Variants in ZNF385D observed in about 807,000 individuals in gnomAD.
ZNF385D encodes the protein zinc finger protein 385D, also known as zinc finger protein 659.
Under a neutral mutation model 35.8 loss-of-function variants are expected in ZNF385D, and 15 were observed. The ratio of observed to expected loss-of-function variants is 0.42; its 90% confidence interval spans 0.28 to 0.64. The LOEUF (loss-of-function observed/expected upper bound fraction) is 0.64, where lower values mean the gene tolerates loss of function less well. Ranked by LOEUF, ZNF385D falls within the 30% of genes least tolerant of loss-of-function variation. ZNF385D has a pLI of 0.23. For missense variants in ZNF385D, 474 were observed against 494.6 expected, an observed-to-expected ratio of 0.96 and a Z score of 0.39; for synonymous variants, 212 against 186.8, an observed-to-expected ratio of 1.13 and a Z score of -1.10.
At chr3:21,902,346 C>A (rs1575873064) in intron 3 of ZNF385D, among the ~76,000 whole-genome samples, 2 of 152,016 alleles carry the variant, frequency 1.3e-5, no homozygotes, top group Admixed American at 1.3e-4. Context: ...TGGGAAATGT[C>A]ATAGGGCTTC....
At chr3:22,309,161 T>C (rs1472251769) in intron 2 of ZNF385D, among the ~76,000 whole-genome samples, 1 of 152,084 alleles carries the variant, frequency 6.6e-6, no homozygotes, top group Non-Finnish European at 1.5e-5. Context: ...ATCTCCAGGC[T>C]ATTCACCATT....
intron 3 of ZNF385D, among the ~76,000 whole-genome samples, chr3:22,166,073 C>G (rs900574534): frequency 2.4e-5 from 3 of 127,588 alleles, no homozygotes; most frequent in Admixed American, 2.3e-4. Context: ...CCATTCTTGA[C>G]TTTTCTCATC....
rs749111803 is a variant in ZNF385D at position 21,962,939 on chromosome 3, T to C, written c.325+205878A>G. ...ACCATGTAATAACACATTTTCCAAA[T>C]ATTTAAACACCAAACACTTTCTCCA... On this transcript the variant is annotated intron_variant, in intron 3 of 5. Coordinates refer to the ZNF385D transcript ENST00000494108. Among the ~76,000 whole-genome samples, 17 of 152,362 alleles carry C rather than the reference T, an allele frequency of 1.1e-4. 1 individual carries two copies. In the East Asian group the frequency reaches 2.9e-3, roughly 26 times the overall value.
At chr3:21,890,767 A>T (rs1417290492) in intron 3 of ZNF385D, among the ~76,000 whole-genome samples, 1 of 152,184 alleles carries the variant, frequency 6.6e-6, no homozygotes, top group Non-Finnish European at 1.5e-5. Flanking sequence ...CAGCAGAAGA[A>T]TTGCTGATGG....
At chr3:22,300,093 C>T (rs770719583) in intron 2 of ZNF385D, among the ~76,000 whole-genome samples, 3 of 151,908 alleles carry the variant, frequency 2.0e-5, no homozygotes, top group Non-Finnish European at 4.4e-5. Context: ...CAGCATGGTA[C>T]TGGCATAAAA....
At chr3:21,777,884 CAG>C (rs1370517361) in intron 3 of ZNF385D, 2 of 151,782 alleles carry the variant, frequency 1.3e-5, no homozygotes, top group African/African-American at 4.8e-5. Context: ...ACATGTGGAA[CAG>C]AGACACCCTA....
At position 22,044,205 on chromosome 3, in the gene ZNF385D, C is replaced by A. The variant is rs75720975; in HGVS notation, c.325+124612G>T. 3.4e-3 allele frequency among the ~76,000 whole-genome samples: 515 copies of A among 151,718 alleles called. 4 individuals are homozygous for A. Among genetic ancestry groups the A allele is most frequent in the East Asian group, 0.032 (167 of 5,152 alleles). Reference sequence around the variant, plus strand: ...GTACTCCTTAAAGATGAATTGGCACCAGTGAGGGGTGATGGTTCACTTATT... The same window carrying A: ...GTACTCCTTAAAGATGAATTGGCACAAGTGAGGGGTGATGGTTCACTTATT... On this transcript the variant is annotated intron_variant, in intron 3 of 5. Transcript: ENST00000494108.
At chr3:21,630,911 A>T (rs2065263004) in intron 2 of ZNF385D, among the ~76,000 whole-genome samples, 1 of 152,130 alleles carries the variant, frequency 6.6e-6, no homozygotes, top group Non-Finnish European at 1.5e-5. Context: ...GAGATGAAGT[A>T]ATTACCCAAG....
intron 3 of ZNF385D, among the ~76,000 whole-genome samples, chr3:22,151,040 T>A (rs1705196918): frequency 6.6e-6 from 1 of 152,180 alleles, no homozygotes; most frequent in South Asian, 2.1e-4. Flanking sequence ...AAATAAAATC[T>A]TCTTTTTTAG....
At chr3:22,088,958 G>C in intron 3 of ZNF385D, among the ~76,000 whole-genome samples, 1 of 152,178 alleles carries the variant, frequency 6.6e-6, no homozygotes, top group Admixed American at 6.5e-5. Context: ...TTTTTTTAAA[G>C]AACACTCTTA....
chr3:21,911,502 T>C (rs1051462334), intron 3 of ZNF385D, among the ~76,000 whole-genome samples: 4 of 151,938 alleles, frequency 2.6e-5, no homozygotes, highest in Non-Finnish European at 4.4e-5. Flanking sequence ...AGGTTTTTTA[T>C]TTGTATTATG....
intron 1 of ZNF385D, among the ~76,000 whole-genome samples, chr3:21,721,848 C>G (rs1403102971): frequency 6.6e-6 from 1 of 152,090 alleles, no homozygotes; most frequent in Admixed American, 6.5e-5. Flanking sequence ...GCCTGTATTC[C>G]CAGCACTTTG....
At chr3:21,694,775 C>CA (rs2067412590) in intron 1 of ZNF385D, among the ~76,000 whole-genome samples, 1 of 152,120 alleles carries the variant, frequency 6.6e-6, no homozygotes, top group Non-Finnish European at 1.5e-5. Context: ...CTCATGACTC[C>CA]AATTGAGATC....
chr3:22,028,696 C>T (rs567152280), intron 3 of ZNF385D, among the ~76,000 whole-genome samples: 1 of 152,196 alleles, frequency 6.6e-6, no homozygotes, highest in Non-Finnish European at 1.5e-5. Flanking sequence ...GTATTCCACA[C>T]AGCATTGCCT....
At chr3:21,941,308 G>T (rs1463570785) in intron 3 of ZNF385D, among the ~76,000 whole-genome samples, 2 of 149,120 alleles carry the variant, frequency 1.3e-5, no homozygotes, top group African/African-American at 2.4e-5. Flanking sequence ...TACATTCTCT[G>T]ACAAAAATAT....
At position 21,417,736 on chromosome 3, in the gene ZNF385D, C is replaced by T. The variant is rs1700581495; in HGVS notation, c.*3478G>A. ...TTTAATTCTTAGTCTTTTATGATTT[C>T]CTGCTCTTTTAATTTTCAAGTACAT... On this transcript the variant is annotated 3_prime_UTR_variant, in exon 8 of 8. Coordinates refer to ENST00000281523, the MANE Select transcript of ZNF385D (RefSeq NM_024697.3). 1 of 151,992 alleles carries T rather than the reference C, an allele frequency of 6.6e-6. No homozygotes were observed. Among genetic ancestry groups the T allele is most frequent in the African/African-American group, 2.4e-5 (1 of 41,382 alleles). The allele number at this position is 151,992 out of a possible 1,614,324, so 9.4% of individuals were successfully genotyped here. A position where few individuals can be genotyped will look rare whatever the true frequency, so the allele number is the denominator to read the frequency against.
At chr3:21,774,339 G>A (rs2071200831) in intron 3 of ZNF385D, among the ~76,000 whole-genome samples, 1 of 151,782 alleles carries the variant, frequency 6.6e-6, no homozygotes, top group Non-Finnish European at 1.5e-5. Context: ...TTAATCCTAG[G>A]TGATGGGATG....
At chr3:22,037,555 GGTT>G (rs1408530166) in intron 3 of ZNF385D, among the ~76,000 whole-genome samples, 2 of 151,858 alleles carry the variant, frequency 1.3e-5, no homozygotes, top group African/African-American at 4.8e-5. Flanking sequence ...TTTTTGATGG[GGTT>G]GTTTTTTTCT....
chr3:21,811,399 A>G (rs1055147491), intron 3 of ZNF385D, among the ~76,000 whole-genome samples: 1 of 152,188 alleles, frequency 6.6e-6, no homozygotes, highest in Non-Finnish European at 1.5e-5. Flanking sequence ...ATCAAAGACT[A>G]TTATAGTCAG....
Sources: gnomAD v4.1 joint callset for allele counts (sites outside exome capture counted in the v4.1 genomes callset) on GRCh38, gnomAD v4.1.1 for gene constraint, MANE v1.5 for transcripts, NCBI Gene and HGNC (gene_info 2026-07-23, HGNC 2026-07-21) for gene names.